The following PIK3C2G variants were observed in gnomAD, a reference collection of about 807,000 sequenced individuals.
PIK3C2G encodes the protein phosphatidylinositol-4-phosphate 3-kinase catalytic subunit type 2 gamma.
Under a neutral mutation model 181.1 loss-of-function variants are expected in PIK3C2G, and 168 were observed. The observed-to-expected ratio is 0.93, with a 90% CI of 0.82 to 1.05. The LOEUF (loss-of-function observed/expected upper bound fraction) is 1.05. Among genes scored for constraint, PIK3C2G ranks in the 50% least tolerant of loss-of-function variants. PIK3C2G has a pLI of 0.00. For synonymous variants in PIK3C2G, 573 were observed against 592.2 expected (o/e 0.97, Z 0.47); for missense variants, 1,869 against 1,732.8 (o/e 1.08, Z -1.40).
Position 18,391,912 on chromosome 12 carries a change from A to G in PIK3C2G, c.2126+660A>G, listed in dbSNP as rs556537435. 3.9e-5 allele frequency among the ~76,000 whole-genome samples: 6 copies of G among 151,928 alleles called. No homozygotes were observed. In the East Asian group the frequency reaches 1.2e-3, roughly 29 times the overall value. On this transcript the variant is annotated intron_variant, in intron 15 of 32. Coordinates refer to ENST00000538779, the MANE Select transcript of PIK3C2G (RefSeq NM_001288772.2). Reference sequence around the variant, plus strand: ...GTGAGAGAGAGAGAGAGAGATTAAGATATGTAACATGATAACAGACTTTAC... The same window carrying G: ...GTGAGAGAGAGAGAGAGAGATTAAGGTATGTAACATGATAACAGACTTTAC...
At chr12:18,696,810 C>T in the PIK3C2G span, among the ~76,000 whole-genome samples, 1,822 of 152,174 alleles carry the variant, frequency 0.012, 42 homozygotes, top group African/African-American at 0.041. Flanking sequence ...TTCACTCCAG[C>T]ATCTTCCCCC....
chr12:18,545,323 T>C (rs534322399), intron 25 of PIK3C2G, among the ~76,000 whole-genome samples: 4 of 151,876 alleles, frequency 2.6e-5, no homozygotes, highest in Non-Finnish European at 4.4e-5. Flanking sequence ...ATACCATTCT[T>C]TTTCTCATTT....
chr12:18,412,075 C>G (rs1270828833), intron 16 of PIK3C2G, among the ~76,000 whole-genome samples: 1 of 151,960 alleles, frequency 6.6e-6, no homozygotes, highest in African/African-American at 2.4e-5. Flanking sequence ...TGCCTAAATC[C>G]TCTGGATATT....
At chr12:18,502,501 T>A (rs1376454985) in intron 22 of PIK3C2G, among the ~76,000 whole-genome samples, 1 of 152,202 alleles carries the variant, frequency 6.6e-6, no homozygotes, top group Non-Finnish European at 1.5e-5. Context: ...AATACTGTAC[T>A]TTGCGGGTTG....
chr12:18,580,963 T>C lies in PIK3C2G; in HGVS notation c.4012-13531T>C, dbSNP rs187660801. ...ATGGGAATGCTCACTGAGCTGTTTT[T>C]AGAGAAAGAAAAAATTGATCTTGCT... On this transcript the variant is annotated intron_variant, in intron 29 of 32. Coordinates refer to ENST00000538779, the MANE Select transcript of PIK3C2G (RefSeq NM_001288772.2). 4.6e-5 allele frequency among the ~76,000 whole-genome samples: 7 copies of C among 152,328 alleles called. No individual in the cohort carries two copies. The East Asian group carries it at 1.4e-3, about 29-fold the overall frequency.
intron 15 of PIK3C2G, among the ~76,000 whole-genome samples, chr12:18,398,318 T>C (rs1944018141): frequency 6.6e-6 from 1 of 152,178 alleles, no homozygotes; most frequent in African/African-American, 2.4e-5. Context: ...GTTTTAGTAA[T>C]TTTACTATGG....
At chr12:18,674,192 C>T in the PIK3C2G span, among the ~76,000 whole-genome samples, 4 of 152,210 alleles carry the variant, frequency 2.6e-5, no homozygotes, top group South Asian at 8.3e-4. Flanking sequence ...AAATGCTTTT[C>T]CATTCATTGC....
In PIK3C2G at chr12:18,407,429, C is replaced by T. The variant is rs1944600489; in HGVS notation, c.2315+7582C>T. 2.0e-5 allele frequency among the ~76,000 whole-genome samples: 3 copies of T among 152,140 alleles called. No homozygotes were observed. In the South Asian group the frequency reaches 6.2e-4, roughly 32 times the overall value. On this transcript the variant is annotated intron_variant, in intron 16 of 32. Coordinates refer to ENST00000538779, the MANE Select transcript of PIK3C2G (RefSeq NM_001288772.2). ...CTATTTCCTCCATTTTACTGATCTC[C>T]ATTTTACAGATGAAGACATTGAAAC...
At chr12:18,490,644 T>C (rs1940473474) in intron 19 of PIK3C2G, among the ~76,000 whole-genome samples, 1 of 152,206 alleles carries the variant, frequency 6.6e-6, no homozygotes, top group Admixed American at 6.5e-5. Flanking sequence ...TGTCTTCCTG[T>C]GTCTGGCTTA....
intron 5 of PIK3C2G, among the ~76,000 whole-genome samples, chr12:18,309,157 C>T (rs1326896170): frequency 2.6e-5 from 4 of 151,674 alleles, no homozygotes; most frequent in Non-Finnish European, 5.9e-5. Context: ...ATACTTTTCA[C>T]ACTAGGCTAT....
chr12:18,618,556 C>A (rs2136650991), intron 31 of PIK3C2G, among the ~76,000 whole-genome samples: 1 of 152,172 alleles, frequency 6.6e-6, no homozygotes, highest in Admixed American at 6.5e-5. Context: ...TTAAAAATAT[C>A]CACAATACAA....
chr12:18,292,210 C>CAAAAAAAAAAA (rs745371375), intron 4 of PIK3C2G, among the ~76,000 whole-genome samples: 30 of 28,592 alleles, frequency 1.0e-3, no homozygotes, highest in Non-Finnish European at 1.3e-3. Context: ...AACTCCATCT[C>CAAAAAAAAAAA]AAAAAAAAAA....
At chr12:18,698,787 T>C in the PIK3C2G span, among the ~76,000 whole-genome samples, 2 of 152,178 alleles carry the variant, frequency 1.3e-5, no homozygotes, top group African/African-American at 4.8e-5. Context: ...AACAATCCAA[T>C]TATACTCTTT....
At chr12:18,539,906 T>C (rs975887868) in intron 25 of PIK3C2G, among the ~76,000 whole-genome samples, 24 of 151,898 alleles carry the variant, frequency 1.6e-4, no homozygotes, top group African/African-American at 5.3e-4. Context: ...TAGCCAAGGA[T>C]TCTTATTGGT....
At chr12:18,693,605 C>A in the PIK3C2G span, 3 of 1,573,542 alleles carry the variant, frequency 1.9e-6, no homozygotes, top group Non-Finnish European at 2.6e-6. Context: ...TGCTGAAGAA[C>A]GTGCACCGTC....
intron 8 of PIK3C2G, among the ~76,000 whole-genome samples, chr12:18,330,387 T>A (rs1336210368): frequency 1.3e-5 from 2 of 152,162 alleles, no homozygotes; most frequent in East Asian, 3.8e-4. Flanking sequence ...TTGCCTTGAC[T>A]TTTATATAAA....
chr12:18,551,320 A>G (rs144673555), intron 26 of PIK3C2G, among the ~76,000 whole-genome samples: 64 of 152,194 alleles, frequency 4.2e-4, no homozygotes, highest in African/African-American at 1.4e-3. Context: ...ATGTTGTCCA[A>G]AAGGGTTATT....
At chr12:18,538,411 C>A in intron 25 of PIK3C2G, 99 bp downstream of exon 25, 1 of 981,846 alleles carries the variant, frequency 1.0e-6, no homozygotes. Context: ...CCCCAAGGAG[C>A]TATTCGGAAG....
At chr12:18,562,308 A>T (rs1945389767) in intron 26 of PIK3C2G, among the ~76,000 whole-genome samples, 1 of 151,840 alleles carries the variant, frequency 6.6e-6, no homozygotes, top group African/African-American at 2.4e-5. Context: ...ATTTTTTTGT[A>T]TTTTTAGTAG....
Sources: allele counts gnomAD v4.1 joint callset (sites outside exome capture counted in the v4.1 genomes callset), GRCh38; gene constraint gnomAD v4.1.1; transcripts MANE v1.5; gene names NCBI Gene and HGNC (gene_info 2026-07-23, HGNC 2026-07-21).